DCAF4: variants seen among roughly 807,000 people sequenced by gnomAD.
DCAF4 encodes DDB1 and CUL4 associated factor 4.
Under a neutral mutation model 60.9 loss-of-function variants are expected in DCAF4, and 37 were observed. That is an observed-to-expected ratio of 0.61 (90% CI 0.47 to 0.80). The LOEUF is 0.80. DCAF4 is among the 30% of genes least tolerant of loss of function. The pLI is 0.00. For synonymous variants in DCAF4, 243 were observed against 254.8 expected (o/e 0.95, Z 0.44); for missense variants, 577 against 650.0 (o/e 0.89, Z 1.22).
chr14:72,929,887 TG>T, intron 1 of DCAF4: 2 of 1,472,148 alleles, frequency 1.4e-6, no homozygotes, highest in Non-Finnish European at 1.9e-6. Flanking sequence ...GGTCACCTTG[TG>T]GCCCTTGTTG....
At chr14:72,960,997 C>T (rs534565304), downstream of DCAF4, among the ~76,000 whole-genome samples, 27 of 151,912 alleles carry the variant, frequency 1.8e-4, no homozygotes, top group Non-Finnish European at 2.9e-4. Flanking sequence ...GAGCAATCCT[C>T]CCACCTCAGT....
chr14:72,944,636 A>G (rs1009163201), intron 6 of DCAF4, among the ~76,000 whole-genome samples: 1 of 152,100 alleles, frequency 6.6e-6, no homozygotes, highest in African/African-American at 2.4e-5. Flanking sequence ...CTACAAAAAA[A>G]TATAAATTAG....
At chr14:72,936,862 G>C (rs1268523522) in intron 1 of DCAF4, among the ~76,000 whole-genome samples, 1 of 152,152 alleles carries the variant, frequency 6.6e-6, no homozygotes, top group African/African-American at 2.4e-5. Context: ...TGACCCAGGA[G>C]AAATGAGCAA....
At chr14:72,941,104 C>G (rs1489427045) in intron 4 of DCAF4, among the ~76,000 whole-genome samples, 1 of 152,218 alleles carries the variant, frequency 6.6e-6, no homozygotes, top group Non-Finnish European at 1.5e-5. Flanking sequence ...GCTGGGATTA[C>G]AGGAACCTGC....
intron 7 of DCAF4, 98 bp downstream of exon 7, chr14:72,946,125 C>A: frequency 2.8e-6 from 4 of 1,417,878 alleles, no homozygotes; most frequent in Non-Finnish European, 3.8e-6. Flanking sequence ...GAGGGCAGAG[C>A]ATACTTACCT....
intron 12 of DCAF4, among the ~76,000 whole-genome samples, chr14:72,956,030 C>G (rs760998531): frequency 7.1e-6 from 1 of 141,364 alleles, no homozygotes; most frequent in African/African-American, 2.6e-5. Context: ...TCAAGCGATT[C>G]TCCTGCCTCA....
intron 13 of DCAF4, 116 bp downstream of exon 13, chr14:72,956,616 G>A: frequency 3.2e-6 from 3 of 945,966 alleles, no homozygotes; most frequent in East Asian, 5.4e-5. Flanking sequence ...GAATCAAGGG[G>A]AGTGTGGACA....
chr14:72,946,192 G>A (rs1370266602), intron 7 of DCAF4, among the ~76,000 whole-genome samples, 165 bp downstream of exon 7: 2 of 150,570 alleles, frequency 1.3e-5, no homozygotes, highest in African/African-American at 2.5e-5. Flanking sequence ...GACCAACCTG[G>A]GCAGCATAAC....
At position 72,959,136 on chromosome 14, in the gene DCAF4, GCTT is replaced by G. The variant is rs1486071492; in HGVS notation, c.*336_*338del. On this transcript the variant is annotated 3_prime_UTR_variant, in exon 14 of 14. Transcript: ENST00000358377. ...GACTGAAGATTGGCAAAAACGAAAAGCTTCTTCCTCCAAGAGCCCATTGAAGAA... is the reference window on the plus strand; with the variant it reads ...GACTGAAGATTGGCAAAAACGAAAAGCTTCCTCCAAGAGCCCATTGAAGAA... 79 of 1,023,370 alleles carry G rather than the reference GCTT, an allele frequency of 7.7e-5. No individual in the cohort carries two copies. In the Middle Eastern group the frequency reaches 1.9e-3, roughly 25 times the overall value. The allele number at this position is 1,023,370 out of a possible 1,614,324, so 63.4% of individuals were successfully genotyped here. A position where few individuals can be genotyped will look rare whatever the true frequency, so the allele number is the denominator to read the frequency against.
At position 72,942,858 on chromosome 14, in the gene DCAF4, C is replaced by A. The variant is rs564628781; in HGVS notation, c.432-136C>A. ...GGATAATCTGGGATCTTGCTCAGCT[C>A]CATTGCTGAGAAGTACTGTGGAGCA... is the stretch of plus-strand genomic sequence containing the variant. On this transcript the variant is annotated intron_variant, in intron 5 of 13. Coordinates refer to ENST00000358377, the MANE Select transcript of DCAF4 (RefSeq NM_015604.4). The A allele has an allele frequency of 3.0e-5, 21 of 698,014 alleles. No individual in the cohort carries two copies. The Admixed American group carries it at 5.2e-4, about 17-fold the overall frequency. The allele number at this position is 698,014 out of a possible 1,614,324, so 43.2% of individuals were successfully genotyped here.
intron 1 of DCAF4, chr14:72,929,671 G>A (rs1319601601): frequency 8.9e-6 from 12 of 1,346,130 alleles, no homozygotes; most frequent in Middle Eastern, 2.5e-4. Flanking sequence ...AGCTCCTCCC[G>A]CTTCCTCTTG....
chr14:72,945,984 T>G lies in DCAF4; in HGVS notation c.635T>G (p.Leu212Arg). Residue 212 changes from leucine (L) to arginine (R), a missense_variant, in exon 7 of 14, where the codon CTC becomes CGC. Physicochemically the swap from Leu to Arg is moderately radical, Grantham distance 102. Transcript: ENST00000358377. ...CTGCAAAGTCTGAAGACCCCTACGC[T>G]CAAGGTGTTCATGCACGAAAACCTC... ...INLQSLKTPT[L>R]KVFMHENLYF... 6.2e-7 allele frequency: 1 copy of G among 1,614,126 alleles called. No homozygotes were observed. Among genetic ancestry groups the G allele is most frequent in the Non-Finnish European group, 8.5e-7 (1 of 1,180,024 alleles).
At chr14:72,928,156 TTACAGCCCGCTAGTC>T (rs1887892799) in intron 1 of DCAF4, among the ~76,000 whole-genome samples, 1 of 147,170 alleles carries the variant, frequency 6.8e-6, no homozygotes, top group South Asian at 2.2e-4. Flanking sequence ...GTTTTGCACA[TTACAGCCCGCTAGTC>T]TACAGAATCC....
At chr14:72,937,923 C>A in intron 1 of DCAF4, 48 bp from the exon 2 acceptor site, 1 of 1,521,664 alleles carries the variant, frequency 6.6e-7, no homozygotes, top group East Asian at 2.3e-5. Flanking sequence ...CAGAAAAGCC[C>A]ATGCCCACAC....
At chr14:72,951,933 G>T (rs1048308578) in intron 9 of DCAF4, 56 bp downstream of exon 9, 1 of 1,594,692 alleles carries the variant, frequency 6.3e-7, no homozygotes, top group Non-Finnish European at 8.6e-7. Context: ...AGAGCTGTGT[G>T]GGGGTGGCTT....
Position 72,931,351 on chromosome 14 carries a change from T to A in DCAF4, c.-9+4808T>A, listed in dbSNP as rs569579336. On this transcript the variant is annotated intron_variant, in intron 1 of 13. Coordinates refer to ENST00000358377, the MANE Select transcript of DCAF4 (RefSeq NM_015604.4). The stretch of plus-strand genomic sequence containing the variant: ...GATGCCATTGTAAATGTAACTTTTC[T>A]TTCATATTCAGGCTGTTCATTGCCT... 1.1e-4 allele frequency among the ~76,000 whole-genome samples: 16 copies of A among 151,884 alleles called. No homozygotes were observed. In the South Asian group the frequency reaches 3.3e-3, roughly 32 times the overall value.
chr14:72,930,121 G>A (rs914845751), intron 1 of DCAF4, among the ~76,000 whole-genome samples: 1 of 152,168 alleles, frequency 6.6e-6, no homozygotes, highest in African/African-American at 2.4e-5. Context: ...GGGGTAGGAG[G>A]GAATAAGTAA....
rs531520450 is a variant in DCAF4, at chr14:72,958,723, C to T, written c.1406C>T (p.Ser469Leu). ...SKADIPSVAF[S>L]SRLGGSRGAP... ...GCCGACATTCCCAGTGTGGCCTTCT[C>T]GTCGCGGCTGGGGGGCTCCCGGGGC... The change falls in exon 14 of 14, where the codon TCG becomes TTG. Residue 469 changes from serine (S) to leucine (L), a missense_variant. Ser to Leu is a moderately radical substitution (Grantham distance 145). Transcript: ENST00000358377. 4.3e-6 allele frequency: 7 copies of T among 1,613,808 alleles called. No homozygotes were observed. Among genetic ancestry groups the T allele is most frequent in the South Asian group, 3.3e-5 (3 of 91,032 alleles).
In DCAF4 at chr14:72,959,402, G is replaced by T; in HGVS notation, c.*597G>T. 1 of 985,492 alleles carries T rather than the reference G, an allele frequency of 1.0e-6. No homozygotes were observed. The highest frequency in any genetic ancestry group is 1.2e-6 in the Non-Finnish European group (1 of 829,964). The allele number at this position is 985,492 out of a possible 1,614,324, so 61.0% of individuals were successfully genotyped here. A position where few individuals can be genotyped will look rare whatever the true frequency, so the allele number is the denominator to read the frequency against. On this transcript the variant is annotated 3_prime_UTR_variant, in exon 14 of 14. Transcript: ENST00000358377. ...ATTATCCAAAGGCGTTGGAAGGAAA[G>T]ATGGATCTTCTTACATGCTAGAAGT... is the stretch of plus-strand genomic sequence containing the variant.
Sources: allele counts gnomAD v4.1 joint callset (sites outside exome capture counted in the v4.1 genomes callset), GRCh38; gene constraint gnomAD v4.1.1; transcripts MANE v1.5; gene names NCBI Gene and HGNC (gene_info 2026-07-23, HGNC 2026-07-21).